EPB41L5: variants seen among roughly 807,000 people sequenced by gnomAD.
The protein encoded by EPB41L5 is band 4.1-like protein 5.
In EPB41L5, 55 loss-of-function variants were observed where a neutral mutation model predicts 106.6. That is an observed-to-expected ratio of 0.52 (90% CI 0.42 to 0.65). EPB41L5 has a LOEUF of 0.65. Ranked by LOEUF, EPB41L5 falls within the 30% of genes least tolerant of loss-of-function variation. The pLI, the probability that EPB41L5 is intolerant of heterozygous loss-of-function variation, is 0.00. For missense variants in EPB41L5, 871 were observed against 882.1 expected (o/e 0.99, Z 0.16); for synonymous variants, 297 against 306.7 (o/e 0.97, Z 0.33).
Position 120,090,340 on chromosome 2 carries a change from T to G in EPB41L5, c.874-7T>G. 6.3e-7 allele frequency: 1 copy of G among 1,589,034 alleles called. No individual in the cohort carries two copies. The highest frequency in any genetic ancestry group is 8.5e-7 in the Non-Finnish European group (1 of 1,171,362). ...ATCATCCTTTTATATATACTTTTCT[T>G]TTTCAGGGCAAAGAACAGGAACATA... On this transcript the variant is annotated splice_region_variant and splice_polypyrimidine_tract_variant and intron_variant, in intron 11 of 24. Transcript: ENST00000263713.
intron 10 of EPB41L5, among the ~76,000 whole-genome samples, chr2:120,080,015 AT>A (rs1008330359): frequency 7.2e-5 from 11 of 151,818 alleles, no homozygotes; most frequent in Non-Finnish European, 1.6e-4. Flanking sequence ...CCTTAAAATG[AT>A]TTTTTTGTCT....
intron 20 of EPB41L5, among the ~76,000 whole-genome samples, chr2:120,157,254 T>C (rs1184791552): frequency 2.6e-5 from 4 of 152,090 alleles, no homozygotes; most frequent in African/African-American, 4.8e-5. Context: ...AACAAAGATA[T>C]GACATACCAG....
chr2:120,170,497 G>GTGAT (rs1284794882), intron 24 of EPB41L5, among the ~76,000 whole-genome samples: 1 of 152,198 alleles, frequency 6.6e-6, no homozygotes, highest in Admixed American at 6.5e-5. Context: ...TTCCTAGCTG[G>GTGAT]TGATTGCCAA....
chr2:120,042,349 G>A (rs535536589), intron 3 of EPB41L5, among the ~76,000 whole-genome samples: 1 of 152,102 alleles, frequency 6.6e-6, no homozygotes, highest in Non-Finnish European at 1.5e-5. Flanking sequence ...TTCAGGATGG[G>A]GCTCCAGAAT....
chr2:120,167,499 A>C lies in EPB41L5; in HGVS notation c.1996A>C (p.Ile666Leu). ...SSTSMITPRW[I>L]VPQSGAMSNG... Reference sequence around the variant, plus strand: ...CACATCCATGATCACACCCCGGTGGATTGTTCCGGTAAGTTCATGTTATTT... The same window carrying C: ...CACATCCATGATCACACCCCGGTGGCTTGTTCCGGTAAGTTCATGTTATTT... The change falls in exon 23 of 25, where the codon ATT becomes CTT. Residue 666 changes from isoleucine to leucine, a missense_variant. Transcript: ENST00000263713. The C allele has an allele frequency of 6.2e-7, 1 of 1,613,932 alleles. No homozygotes were observed. The highest frequency in any genetic ancestry group is 8.5e-7 in the Non-Finnish European group (1 of 1,179,814).
At chr2:120,098,950 C>A (rs536260614) in intron 14 of EPB41L5, among the ~76,000 whole-genome samples, 23 of 152,328 alleles carry the variant, frequency 1.5e-4, no homozygotes, top group Admixed American at 3.3e-4. Context: ...AAATAATATT[C>A]TTGATTACTG....
intron 21 of EPB41L5, among the ~76,000 whole-genome samples, chr2:120,163,248 G>A (rs1450791680): frequency 7.0e-6 from 1 of 142,072 alleles, no homozygotes; most frequent in South Asian, 2.3e-4. Context: ...GAGCAAGACC[G>A]TGTCCCTCTG....
chr2:120,017,452 T>C (rs1439506165), intron 1 of EPB41L5, among the ~76,000 whole-genome samples: 2 of 152,260 alleles, frequency 1.3e-5, no homozygotes, highest in Non-Finnish European at 2.9e-5. Flanking sequence ...GAATTAATAG[T>C]CTTTTTGGCT....
intron 10 of EPB41L5, among the ~76,000 whole-genome samples, chr2:120,079,633 G>A (rs1286324755): frequency 6.6e-6 from 1 of 152,134 alleles, no homozygotes; most frequent in African/African-American, 2.4e-5. Flanking sequence ...TGATCAGCTC[G>A]GAAGTCCTGG....
At chr2:120,098,011 A>G (rs1485228179) in intron 14 of EPB41L5, among the ~76,000 whole-genome samples, 2 of 152,190 alleles carry the variant, frequency 1.3e-5, no homozygotes, top group African/African-American at 2.4e-5. Flanking sequence ...TAACTTCTGT[A>G]CCAAGCAGGC....
At chr2:120,141,188 A>T (rs1686158533) in intron 18 of EPB41L5, among the ~76,000 whole-genome samples, 1 of 152,102 alleles carries the variant, frequency 6.6e-6, no homozygotes, top group African/African-American at 2.4e-5. Context: ...TACTTTTTGT[A>T]AGATAAAATA....
intron 4 of EPB41L5, 72 bp downstream of exon 4, chr2:120,073,292 G>T: frequency 8.0e-7 from 1 of 1,251,376 alleles, no homozygotes; most frequent in South Asian, 1.3e-5. Flanking sequence ...TTTCTAATAG[G>T]ATGTAAGAAA....
intron 16 of EPB41L5, chr2:120,104,713 A>G (rs1684347544): frequency 1.0e-6 from 1 of 956,530 alleles, no homozygotes; most frequent in African/African-American, 1.8e-5. Context: ...CTATTTTAAT[A>G]TGTCTAAAGT....
At chr2:120,022,927 G>A (rs4848568) in intron 2 of EPB41L5, among the ~76,000 whole-genome samples, 104,777 of 152,044 alleles carry the variant, frequency 0.69, 37,617 homozygotes, top group Non-Finnish European at 0.79. Context: ...TTCTCTAATG[G>A]CCAGTGATGA....
At chr2:120,150,472 C>G (rs1007453021) in intron 20 of EPB41L5, among the ~76,000 whole-genome samples, 1 of 151,916 alleles carries the variant, frequency 6.6e-6, no homozygotes, top group Admixed American at 6.6e-5. Context: ...CAGGCACACA[C>G]CACCCTGCCC....
intron 13 of EPB41L5, 145 bp downstream of exon 13, chr2:120,091,806 C>G: frequency 1.6e-6 from 1 of 632,316 alleles, no homozygotes; most frequent in South Asian, 2.1e-5. Flanking sequence ...GAATCAATTT[C>G]ATGGGATACA....
At chr2:120,112,956 A>G (rs889387416) in intron 16 of EPB41L5, among the ~76,000 whole-genome samples, 2 of 152,200 alleles carry the variant, frequency 1.3e-5, no homozygotes, top group African/African-American at 4.8e-5. Flanking sequence ...TGGCTACTGT[A>G]CTGCCTCCAT....
chr2:120,090,623 A>T, intron 12 of EPB41L5, 107 bp downstream of exon 12: 20 of 997,258 alleles, frequency 2.0e-5, no homozygotes, highest in Non-Finnish European at 2.9e-5. Flanking sequence ...TAGAGGAATA[A>T]GGTGGTTTGC....
chr2:120,091,647 C>G lies in EPB41L5; in HGVS notation c.1136C>G (p.Thr379Ser). ...RRPSKRYSRRTLQMKACATKP... is the reference protein window; with the variant it reads ...RRPSKRYSRRSLQMKACATKP... ...CCCAGCAAACGATATTCTAGACGAA[C>G]TCTACAAATGAAAGGTGAAGTGCAA... is the stretch of plus-strand genomic sequence containing the variant. Residue 379 changes from threonine (T) to serine (S), a missense_variant, in exon 13 of 25, where the codon ACT becomes AGT. By Grantham distance (58) the Thr-to-Ser change is moderately conservative. Coordinates refer to ENST00000263713, the MANE Select transcript of EPB41L5 (RefSeq NM_020909.4). 1 of 1,612,488 alleles carries G rather than the reference C, an allele frequency of 6.2e-7. No individual in the cohort carries two copies. Among genetic ancestry groups the G allele is most frequent in the Non-Finnish European group, 8.5e-7 (1 of 1,178,682 alleles).
Sources: gnomAD v4.1 joint callset for allele counts (sites outside exome capture counted in the v4.1 genomes callset) on GRCh38, gnomAD v4.1.1 for gene constraint, MANE v1.5 for transcripts, NCBI Gene and HGNC (gene_info 2026-07-23, HGNC 2026-07-21) for gene names.